The following RAD51B variants were observed in gnomAD, a reference collection of about 807,000 sequenced individuals.
RAD51B encodes the protein RAD51 paralog B, also known as DNA repair protein RAD51 homolog 2.
RAD51B carries 38 observed loss-of-function variants against 42.2 expected under a neutral mutation model. That is an observed-to-expected ratio of 0.90 (90% CI 0.70 to 1.18). The LOEUF (loss-of-function observed/expected upper bound fraction) is 1.18, where lower values mean the gene tolerates loss of function less well. Ranked by LOEUF, RAD51B falls within the 50% of genes most tolerant of loss-of-function variation. The pLI is 0.00. For missense variants in RAD51B, 373 were observed against 400.7 expected, an observed-to-expected ratio of 0.93 and a Z score of 0.59; for synonymous variants, 154 against 145.2, an observed-to-expected ratio of 1.06 and a Z score of -0.43.
At chr14:68,531,871 TA>T (rs1305967417) in intron 10 of RAD51B, among the ~76,000 whole-genome samples, 3 of 152,086 alleles carry the variant, frequency 2.0e-5, no homozygotes, top group Admixed American at 2.0e-4. Flanking sequence ...ATGTGGTGAC[TA>T]TTCTGGAGGC....
chr14:68,276,714 T>C (rs569042772), intron 7 of RAD51B, among the ~76,000 whole-genome samples: 2 of 152,336 alleles, frequency 1.3e-5, no homozygotes, highest in African/African-American at 4.8e-5. Flanking sequence ...TCAGAGCAAC[T>C]GCTTTAGTGC....
At chr14:68,348,732 T>C (rs2082724143) in intron 8 of RAD51B, among the ~76,000 whole-genome samples, 1 of 152,202 alleles carries the variant, frequency 6.6e-6, no homozygotes, top group African/African-American at 2.4e-5. Flanking sequence ...ACCCCGTCTC[T>C]ACTAAAATAC....
At chr14:68,102,300 C>T (rs2077304414) in intron 7 of RAD51B, among the ~76,000 whole-genome samples, 1 of 152,206 alleles carries the variant, frequency 6.6e-6, no homozygotes, top group East Asian at 1.9e-4. Context: ...AAGCAAATTT[C>T]TGTAGTCTGC....
intron 7 of RAD51B, among the ~76,000 whole-genome samples, chr14:67,914,857 G>A (rs1301231079): frequency 2.0e-5 from 3 of 152,198 alleles, no homozygotes; most frequent in Non-Finnish European, 4.4e-5. Context: ...TGAATAAGGT[G>A]ATATCTACCT....
chr14:67,915,474 G>A (rs1395658340), intron 7 of RAD51B, among the ~76,000 whole-genome samples: 1 of 152,132 alleles, frequency 6.6e-6, no homozygotes, highest in Non-Finnish European at 1.5e-5. Flanking sequence ...TTTCAGAACT[G>A]ATACCTCTAG....
At chr14:68,033,117 G>C (rs961500256) in intron 7 of RAD51B, among the ~76,000 whole-genome samples, 8 of 152,152 alleles carry the variant, frequency 5.3e-5, no homozygotes, top group African/African-American at 1.9e-4. Context: ...CCAGAAGGCA[G>C]GAGCCATGTC....
intron 7 of RAD51B, among the ~76,000 whole-genome samples, chr14:67,992,312 A>G (rs1367956999): frequency 6.6e-6 from 1 of 152,220 alleles, no homozygotes; most frequent in Non-Finnish European, 1.5e-5. Context: ...TCCAGAAGGT[A>G]AAGTGACAAC....
chr14:67,966,745 T>TA (rs1484658425), intron 7 of RAD51B, among the ~76,000 whole-genome samples: 4 of 152,210 alleles, frequency 2.6e-5, no homozygotes, highest in Non-Finnish European at 5.9e-5. Context: ...GTATCATACT[T>TA]ACTCTGCCTC....
At chr14:67,950,100 G>C (rs1011148555) in intron 7 of RAD51B, among the ~76,000 whole-genome samples, 1 of 152,112 alleles carries the variant, frequency 6.6e-6, no homozygotes, top group Non-Finnish European at 1.5e-5. Flanking sequence ...CTTCAACTTA[G>C]AAAGTTGCCA....
At position 68,248,750 on chromosome 14, in the gene RAD51B, G is replaced by A. The variant is rs114159432; in HGVS notation, c.757-43134G>A. 2.6e-3 allele frequency among the ~76,000 whole-genome samples: 389 copies of A among 152,330 alleles called. 4 individuals are homozygous for A. The highest frequency in any genetic ancestry group is 9.1e-3 in the African/African-American group (380 of 41,578). On this transcript the variant is annotated intron_variant, in intron 7 of 10. Coordinates refer to ENST00000471583, the MANE Select transcript of RAD51B (RefSeq NM_133510.4). ...TGGCTGCAGTGATTCTAAAACGTAT[G>A]CTTCCAAGATACTGTCTTTAAGATT...
chr14:68,260,310 T>TG (rs1257063997), intron 7 of RAD51B, among the ~76,000 whole-genome samples: 1 of 127,682 alleles, frequency 7.8e-6, no homozygotes, highest in African/African-American at 4.9e-5. Context: ...TGTGTGTGTG[T>TG]GTGTGTGTGG....
chr14:68,521,947 C>A lies in RAD51B; in HGVS notation c.1036+53697C>A, dbSNP rs71423314. 5.9e-5 allele frequency among the ~76,000 whole-genome samples: 9 copies of A among 152,208 alleles called. No homozygotes were observed. In the South Asian group the frequency reaches 1.9e-3, roughly 32 times the overall value. ...TGTGACTTCACAGCAAACTTCAGCC[C>A]TATGTTAACTGACTTCACAGCAACG... is the stretch of plus-strand genomic sequence containing the variant. On this transcript the variant is annotated intron_variant, in intron 10 of 10. Transcript: ENST00000487270.
intron 4 of RAD51B, among the ~76,000 whole-genome samples, chr14:67,863,907 T>G (rs1236891689): frequency 6.6e-6 from 1 of 152,074 alleles, no homozygotes; most frequent in Non-Finnish European, 1.5e-5. Context: ...GGAGGCATGG[T>G]TGGGAGGCCT....
At chr14:68,526,367 T>C (rs1886930381) in intron 10 of RAD51B, among the ~76,000 whole-genome samples, 1 of 152,242 alleles carries the variant, frequency 6.6e-6, no homozygotes. Context: ...TGTGTAAGTA[T>C]ACTGGACGAT....
chr14:68,426,690 GAGAA>G lies in RAD51B; in HGVS notation c.957+15171_957+15174del, dbSNP rs150471447. Among the ~76,000 whole-genome samples the G allele has an allele frequency of 6.0e-3, 911 of 152,324 alleles. 31 individuals are homozygous for G. Among genetic ancestry groups the G allele is most frequent in the Admixed American group, 0.049 (756 of 15,298 alleles). On this transcript the variant is annotated intron_variant, in intron 9 of 10. Transcript: ENST00000471583. ...GGATTCTCAGCCTGGTTGCCTGGTAGAGAAAGAAAGAGAGCATTTTCTGGAGAGG... is the reference window on the plus strand; with the variant it reads ...GGATTCTCAGCCTGGTTGCCTGGTAGAGAAAGAGAGCATTTTCTGGAGAGG...
chr14:68,186,548 G>A (rs1429563442), intron 7 of RAD51B, among the ~76,000 whole-genome samples: 5 of 151,968 alleles, frequency 3.3e-5, no homozygotes, highest in African/African-American at 1.2e-4. Flanking sequence ...TTAAAAGATG[G>A]GCAAAAGACA....
intron 7 of RAD51B, among the ~76,000 whole-genome samples, chr14:68,059,655 A>G (rs1181257400): frequency 6.6e-6 from 1 of 152,190 alleles, no homozygotes; most frequent in Non-Finnish European, 1.5e-5. Context: ...TCCCTGGCCA[A>G]AAGTAGTTTT....
rs150795223 is a variant in RAD51B, at chr14:68,277,888, G to A, written c.757-13996G>A. On this transcript the variant is annotated intron_variant, in intron 7 of 10. Transcript: ENST00000471583. Reference sequence around the variant, plus strand: ...CTACCAAATAGCTGGGACTATAGGCGCGTGCCACCATGCCTGGCTAATTTT... The same window carrying A: ...CTACCAAATAGCTGGGACTATAGGCACGTGCCACCATGCCTGGCTAATTTT... 2.9e-4 allele frequency among the ~76,000 whole-genome samples: 44 copies of A among 152,218 alleles called. No individual in the cohort carries two copies. The East Asian group carries it at 4.4e-3, about 15-fold the overall frequency.
chr14:68,058,597 C>T (rs1341271174), intron 7 of RAD51B, among the ~76,000 whole-genome samples: 2 of 152,214 alleles, frequency 1.3e-5, no homozygotes, highest in African/African-American at 4.8e-5. Flanking sequence ...ATAAATCTGA[C>T]TCATTTTTTA....
Sources: allele counts gnomAD v4.1 joint callset (sites outside exome capture counted in the v4.1 genomes callset), GRCh38; gene constraint gnomAD v4.1.1; transcripts MANE v1.5; gene names NCBI Gene and HGNC (gene_info 2026-07-23, HGNC 2026-07-21).